KCNIP4: variants seen among roughly 807,000 people sequenced by gnomAD.
The protein encoded by KCNIP4 is potassium voltage-gated channel interacting protein 4, also known as Kv channel-interacting protein 4.
In KCNIP4, 12 loss-of-function variants were observed where a neutral mutation model predicts 34.0. The observed-to-expected ratio is 0.35, with a 90% CI of 0.23 to 0.57. The LOEUF (loss-of-function observed/expected upper bound fraction) is 0.57. Ranked by LOEUF, KCNIP4 falls within the 20% of genes least tolerant of loss-of-function variation. The probability of loss-of-function intolerance (pLI) is 0.83; values close to 1 mark genes in which losing one functional copy is unlikely to be tolerated. For synonymous variants in KCNIP4, 124 were observed against 102.2 expected (o/e 1.21, Z -1.29); for missense variants, 238 against 311.7 (o/e 0.76, Z 1.78).
chr4:21,071,805 A>G (rs2108998708), intron 1 of KCNIP4, among the ~76,000 whole-genome samples: 1 of 152,030 alleles, frequency 6.6e-6, no homozygotes. Flanking sequence ...CCCCTACCCC[A>G]CAACAGTCCC....
intron 1 of KCNIP4, among the ~76,000 whole-genome samples, chr4:20,884,053 GC>G (rs1725010116): frequency 6.6e-6 from 1 of 152,122 alleles, no homozygotes; most frequent in East Asian, 1.9e-4. Context: ...CCGTCCTCTG[GC>G]CTTGACACTT....
intron 1 of KCNIP4, among the ~76,000 whole-genome samples, chr4:21,541,641 A>G (rs1403033718): frequency 6.6e-6 from 1 of 151,918 alleles, no homozygotes; most frequent in Non-Finnish European, 1.5e-5. Flanking sequence ...CTTTCTATTT[A>G]TTTCTTTTCT....
intron 1 of KCNIP4, among the ~76,000 whole-genome samples, chr4:21,005,263 GT>G (rs1738459328): frequency 6.6e-6 from 1 of 152,162 alleles, no homozygotes; most frequent in Non-Finnish European, 1.5e-5. Flanking sequence ...GTCACATGGA[GT>G]GGCTCAGTAC....
At chr4:21,261,815 A>G (rs1434405073) in intron 1 of KCNIP4, among the ~76,000 whole-genome samples, 2 of 152,090 alleles carry the variant, frequency 1.3e-5, no homozygotes, top group East Asian at 1.9e-4. Flanking sequence ...TCCCCAGACT[A>G]TAAAATAAAT....
At chr4:21,943,768 T>C (rs1388924399) in intron 1 of KCNIP4, among the ~76,000 whole-genome samples, 1 of 151,978 alleles carries the variant, frequency 6.6e-6, no homozygotes, top group Non-Finnish European at 1.5e-5. Context: ...TTAGTTGGTT[T>C]TGAGTGGGGA....
At chr4:21,555,260 G>A (rs747656572) in intron 1 of KCNIP4, among the ~76,000 whole-genome samples, 7 of 152,164 alleles carry the variant, frequency 4.6e-5, no homozygotes, top group Non-Finnish European at 7.3e-5. Flanking sequence ...AATGCAGAGA[G>A]CTGCTTTCTT....
chr4:21,575,252 C>G (rs925413207), intron 1 of KCNIP4, among the ~76,000 whole-genome samples: 1 of 152,054 alleles, frequency 6.6e-6, no homozygotes, highest in African/African-American at 2.4e-5. Context: ...ACATCAGAGG[C>G]TAGACAGAAC....
chr4:20,816,893 A>G (rs1056401722), intron 3 of KCNIP4, among the ~76,000 whole-genome samples: 1 of 152,216 alleles, frequency 6.6e-6, no homozygotes, highest in African/African-American at 2.4e-5. Context: ...ATTTTGTGTT[A>G]GCCATGGGGA....
chr4:20,767,541 C>T lies in KCNIP4; in HGVS notation c.289-8651G>A, dbSNP rs542024848. Among the ~76,000 whole-genome samples the T allele has an allele frequency of 3.3e-5, 5 of 152,288 alleles. No homozygotes were observed. In the South Asian group the frequency reaches 6.2e-4, roughly 19 times the overall value. ...AGTGCTTCAAGAGTTCTTATACTTT[C>T]ACCTTATAAGGAAACCTTTCAGCAT... On this transcript the variant is annotated intron_variant, in intron 3 of 8. Transcript: ENST00000382152.
chr4:21,773,840 T>C (rs1016106724), intron 1 of KCNIP4, among the ~76,000 whole-genome samples: 3 of 151,932 alleles, frequency 2.0e-5, no homozygotes, highest in Admixed American at 1.3e-4. Context: ...TGTTTCTGCA[T>C]GTAAGATGGG....
intron 1 of KCNIP4, among the ~76,000 whole-genome samples, chr4:21,057,534 T>G (rs898527565): frequency 3.3e-5 from 5 of 152,198 alleles, no homozygotes; most frequent in Non-Finnish European, 7.3e-5. Flanking sequence ...CTTAAATTCA[T>G]TTTTTATAAA....
chr4:21,941,773 G>T (rs1730215815), intron 1 of KCNIP4, among the ~76,000 whole-genome samples: 1 of 152,144 alleles, frequency 6.6e-6, no homozygotes, highest in Non-Finnish European at 1.5e-5. Context: ...AACCACACTG[G>T]CTGTGTTCGT....
chr4:21,344,941 C>A (rs1237077450), intron 1 of KCNIP4, among the ~76,000 whole-genome samples: 1 of 152,096 alleles, frequency 6.6e-6, no homozygotes, highest in East Asian at 1.9e-4. Context: ...GTCCACTGCA[C>A]CTATGTATTG....
intron 1 of KCNIP4, among the ~76,000 whole-genome samples, chr4:21,701,963 C>A (rs1470151908): frequency 6.6e-6 from 1 of 152,088 alleles, no homozygotes; most frequent in Non-Finnish European, 1.5e-5. Context: ...GTTGGCCTCC[C>A]AAAGTGCTGG....
chr4:20,751,534 G>C (rs1420176029), intron 4 of KCNIP4, among the ~76,000 whole-genome samples: 1 of 147,546 alleles, frequency 6.8e-6, no homozygotes, highest in South Asian at 2.3e-4. Flanking sequence ...GATTTTCAGA[G>C]GAGGAAAAAA....
At chr4:20,855,027 G>A (rs1721429047) in intron 2 of KCNIP4, among the ~76,000 whole-genome samples, 1 of 152,192 alleles carries the variant, frequency 6.6e-6, no homozygotes, top group African/African-American at 2.4e-5. Flanking sequence ...GCGAAGACCT[G>A]TAACAAGGAG....
intron 3 of KCNIP4, among the ~76,000 whole-genome samples, chr4:20,814,831 A>G (rs1293588646): frequency 6.6e-6 from 1 of 152,166 alleles, no homozygotes; most frequent in African/African-American, 2.4e-5. Context: ...TTTCTCAGCA[A>G]TGGGCTCAGA....
intron 1 of KCNIP4, among the ~76,000 whole-genome samples, chr4:21,288,131 A>T (rs1226781887): frequency 1.3e-5 from 2 of 152,180 alleles, no homozygotes; most frequent in African/African-American, 2.4e-5. Context: ...ACTCCTGAAC[A>T]GTCTCTCTTG....
At chr4:21,315,365 GATTTTTTTA>G (rs1713626577) in intron 1 of KCNIP4, 1 of 152,302 alleles carries the variant, frequency 6.6e-6, no homozygotes, top group South Asian at 2.1e-4. Flanking sequence ...TCTTCTTTAT[GATTTTTTTA>G]ATTTTTTTTA....
Sources: gnomAD v4.1 joint callset for allele counts (sites outside exome capture counted in the v4.1 genomes callset) on GRCh38, gnomAD v4.1.1 for gene constraint, MANE v1.5 for transcripts, NCBI Gene and HGNC (gene_info 2026-07-23, HGNC 2026-07-21) for gene names.